ABHD5: variants seen among roughly 807,000 people sequenced by gnomAD.
ABHD5 encodes 1-acylglycerol-3-phosphate O-acyltransferase ABHD5.
In ABHD5, 30 loss-of-function variants were observed where a neutral mutation model predicts 44.9. That is an observed-to-expected ratio of 0.67 (90% CI 0.50 to 0.91). The LOEUF (loss-of-function observed/expected upper bound fraction) is 0.91, where lower values mean the gene tolerates loss of function less well. Ranked by LOEUF, ABHD5 falls within the 40% of genes least tolerant of loss-of-function variation. The pLI is 0.00. For missense variants in ABHD5, 399 were observed against 423.4 expected (o/e 0.94, Z 0.50); for synonymous variants, 167 against 147.0 (o/e 1.14, Z -0.99).
chr3:43,697,003 C>T (rs1276455641), intron 1 of ABHD5, among the ~76,000 whole-genome samples: 3 of 152,180 alleles, frequency 2.0e-5, no homozygotes, highest in Non-Finnish European at 4.4e-5. Context: ...TTAATGTAAG[C>T]TTACAAACAT....
In ABHD5 at chr3:43,711,706, C is replaced by G; in HGVS notation, c.507-3C>G. 6.2e-7 allele frequency: 1 copy of G among 1,614,118 alleles called. No individual in the cohort carries two copies. The highest frequency in any genetic ancestry group is 2.2e-5 in the East Asian group (1 of 44,878). On this transcript the variant is annotated splice_polypyrimidine_tract_variant and splice_region_variant and intron_variant, in intron 3 of 6. Transcript: ENST00000644371. ...AACTTAAATATATTCTTTCCCCCAA[C>G]AGGGTTAATCATCTCATTTTAGTGG...
chr3:43,712,049 A>G (rs1317796571), intron 4 of ABHD5, among the ~76,000 whole-genome samples, 186 bp downstream of exon 4: 2 of 152,186 alleles, frequency 1.3e-5, no homozygotes, highest in African/African-American at 4.8e-5. Context: ...TCCTCAAAGG[A>G]GAGTCTTTAT....
intron 3 of ABHD5, among the ~76,000 whole-genome samples, chr3:43,710,664 A>G (rs2084678083): frequency 6.6e-6 from 1 of 152,236 alleles, no homozygotes; most frequent in Admixed American, 6.5e-5. Flanking sequence ...AATAGATTTT[A>G]TATGAAGAAT....
chr3:43,702,706 C>G, intron 3 of ABHD5, 119 bp downstream of exon 3: 1 of 1,413,564 alleles, frequency 7.1e-7, no homozygotes, highest in Non-Finnish European at 1.0e-6. Flanking sequence ...CTTAAAGGAC[C>G]CTATAGACCA....
intron 3 of ABHD5, among the ~76,000 whole-genome samples, chr3:43,706,174 C>T (rs775828575): frequency 2.6e-5 from 4 of 152,156 alleles, no homozygotes; most frequent in Non-Finnish European, 4.4e-5. Flanking sequence ...CTTTGCAGCA[C>T]ACACACGTTT....
At chr3:43,729,326 G>A (rs934302165) in intron 7 of ABHD5, among the ~76,000 whole-genome samples, 15 of 152,150 alleles carry the variant, frequency 9.9e-5, no homozygotes, top group African/African-American at 1.9e-4. Context: ...AAAAGGCTCC[G>A]CAAATATCTC....
chr3:43,718,384 C>A, intron 6 of ABHD5, 59 bp from the exon 7 acceptor site: 1 of 1,373,156 alleles, frequency 7.3e-7, no homozygotes, highest in East Asian at 2.3e-5. Context: ...GCTTATATAT[C>A]ATTCTGTTTT....
Position 43,721,764 on chromosome 3 carries a change from A to G in ABHD5, c.*3232A>G, listed in dbSNP as rs2084839307. ...ATCACAGAGGGCTAATTGTAGCCCTATATATGAAGAATTTTAAACTATGAG... is the reference window on the plus strand; with the variant it reads ...ATCACAGAGGGCTAATTGTAGCCCTGTATATGAAGAATTTTAAACTATGAG... On this transcript the variant is annotated 3_prime_UTR_variant, in exon 7 of 7. Transcript: ENST00000644371. The G allele has an allele frequency of 6.6e-6, 1 of 152,150 alleles. No homozygotes were observed. The highest frequency in any genetic ancestry group is 6.5e-5 in the Admixed American group (1 of 15,274). The allele number at this position is 152,150 out of a possible 1,614,324, so 9.4% of individuals were successfully genotyped here. A position where few individuals can be genotyped will look rare whatever the true frequency, so the allele number is the denominator to read the frequency against.
Position 43,720,596 on chromosome 3 carries a change from G to C in ABHD5, c.*2064G>C, listed in dbSNP as rs148657202. 1.4e-3 allele frequency: 220 copies of C among 152,244 alleles called. 1 individual carries two copies. Among genetic ancestry groups the C allele is most frequent in the African/African-American group, 5.1e-3 (212 of 41,540 alleles). The allele number at this position is 152,244 out of a possible 1,614,324, so 9.4% of individuals were successfully genotyped here. ...ATCCTCACATTTAAAAAAATATAGT[G>C]GGTGCTAAATGTTTTCTTAAAAATC... On this transcript the variant is annotated 3_prime_UTR_variant, in exon 7 of 7. Transcript: ENST00000644371.
In ABHD5 at chr3:43,711,734, C is replaced by T; in HGVS notation, c.532C>T (p.Pro178Ser). The T allele has an allele frequency of 6.2e-7, 1 of 1,614,122 alleles. No homozygotes were observed. Among genetic ancestry groups the T allele is most frequent in the Non-Finnish European group, 8.5e-7 (1 of 1,180,020 alleles). Residue 178 changes from proline (P) to serine (S), a missense_variant, in exon 4 of 7, where the codon CCT (proline) becomes TCT (serine). By Grantham distance (74) the Pro-to-Ser change is moderately conservative. Coordinates refer to ENST00000644371, the MANE Select transcript of ABHD5 (RefSeq NM_016006.6). Reference protein sequence around the residue: ...SRVNHLILVEPWGFPERPDLA... With the variant: ...SRVNHLILVESWGFPERPDLA... The stretch of plus-strand genomic sequence containing the variant: ...GGTTAATCATCTCATTTTAGTGGAG[C>T]CTTGGGGTTTCCCTGAACGACCAGA...
At chr3:43,701,338 C>T (rs963553753) in intron 2 of ABHD5, among the ~76,000 whole-genome samples, 2 of 152,136 alleles carry the variant, frequency 1.3e-5, no homozygotes, top group South Asian at 2.1e-4. Flanking sequence ...TATGTGGATA[C>T]AAAACATGAT....
chr3:43,694,034 G>A (rs1052065634), intron 1 of ABHD5, among the ~76,000 whole-genome samples: 2 of 142,214 alleles, frequency 1.4e-5, no homozygotes, highest in Admixed American at 1.4e-4. Context: ...CTGGCCGGGC[G>A]CCGTGGTTCA....
intron 3 of ABHD5, among the ~76,000 whole-genome samples, chr3:43,708,542 A>G (rs1245457939): frequency 6.6e-6 from 1 of 152,178 alleles, no homozygotes; most frequent in Non-Finnish European, 1.5e-5. Context: ...TCCCGGGAAT[A>G]AATTCTACTC....
At position 43,715,085 on chromosome 3, in the gene ABHD5, CTG is replaced by C. The variant is rs10662733; in HGVS notation, c.773+61_773+62del. ...TGAGGGTTAGGATTCTCAATTCACT[CTG>C]TGTGTGTGTGTGTGTGTGTGTGTGT... On this transcript the variant is annotated intron_variant, in intron 5 of 6. Coordinates refer to ENST00000644371, the MANE Select transcript of ABHD5 (RefSeq NM_016006.6). 0.03 allele frequency: 24,813 copies of C among 838,736 alleles called. 36 individuals are homozygous for C. The highest frequency in any genetic ancestry group is 0.04 in the East Asian group (1,445 of 36,096). The allele number at this position is 838,736 out of a possible 1,614,324, so 52.0% of individuals were successfully genotyped here. A position where few individuals can be genotyped will look rare whatever the true frequency, so the allele number is the denominator to read the frequency against.
chr3:43,712,557 G>T (rs1276442709), intron 4 of ABHD5, among the ~76,000 whole-genome samples: 4 of 151,972 alleles, frequency 2.6e-5, no homozygotes, highest in African/African-American at 9.7e-5. Flanking sequence ...CCTTTCCCCC[G>T]TACAACTTGT....
intron 1 of ABHD5, among the ~76,000 whole-genome samples, chr3:43,696,066 T>C (rs1350162128): frequency 2.0e-5 from 3 of 152,358 alleles, no homozygotes; most frequent in Admixed American, 6.5e-5. Flanking sequence ...GCCCAACTGA[T>C]GGGGCTGTGT....
Position 43,719,161 on chromosome 3 carries a change from A to G in ABHD5, c.*629A>G, listed in dbSNP as rs1226109656. The G allele has an allele frequency of 6.4e-6, 1 of 155,626 alleles. No homozygotes were observed. Among genetic ancestry groups the G allele is most frequent in the Non-Finnish European group, 1.4e-5 (1 of 70,312 alleles). The allele number at this position is 155,626 out of a possible 1,614,324, so 9.6% of individuals were successfully genotyped here. On this transcript the variant is annotated 3_prime_UTR_variant, in exon 7 of 7. Transcript: ENST00000644371. Reference sequence around the variant, plus strand: ...TTAAGGCTGCTAAGCCATGTTCAGCATTTTAAATGTGGTCTATCCTGACAT... The same window carrying G: ...TTAAGGCTGCTAAGCCATGTTCAGCGTTTTAAATGTGGTCTATCCTGACAT...
Position 43,690,954 on chromosome 3 carries a change from G to A in ABHD5, c.-39G>A. ...GGGCGGCCCAGTCGGCCTGTCAGCCGGCTTCGAGATAAGTCCCGGCGCTTG... is the reference window on the plus strand; with the variant it reads ...GGGCGGCCCAGTCGGCCTGTCAGCCAGCTTCGAGATAAGTCCCGGCGCTTG... On this transcript the variant is annotated 5_prime_UTR_variant, in exon 1 of 7. Coordinates refer to ENST00000644371, the MANE Select transcript of ABHD5 (RefSeq NM_016006.6). 6.5e-7 allele frequency: 1 copy of A among 1,550,132 alleles called. No homozygotes were observed. The highest frequency in any genetic ancestry group is 8.7e-7 in the Non-Finnish European group (1 of 1,153,242).
At chr3:43,733,185 G>GAGCA (rs1697269628) in intron 7 of ABHD5, among the ~76,000 whole-genome samples, 1 of 152,192 alleles carries the variant, frequency 6.6e-6, no homozygotes, top group Non-Finnish European at 1.5e-5. Flanking sequence ...TCAAGGGTGT[G>GAGCA]AGCACCAGGA....
Sources: gnomAD v4.1 joint callset for allele counts (sites outside exome capture counted in the v4.1 genomes callset) on GRCh38, gnomAD v4.1.1 for gene constraint, MANE v1.5 for transcripts, NCBI Gene and HGNC (gene_info 2026-07-23, HGNC 2026-07-21) for gene names.